Variants in CASK observed in about 807,000 individuals in gnomAD.
The protein encoded by CASK is peripheral plasma membrane protein CASK.
CASK carries 4 observed loss-of-function variants against 82.9 expected under a neutral mutation model. The observed-to-expected ratio is 0.05, with a 90% CI of 0.02 to 0.11. The LOEUF (loss-of-function observed/expected upper bound fraction) is 0.11. CASK is among the 10% of genes least tolerant of loss of function. The pLI is 1.00. For missense variants in CASK, 358 were observed against 720.9 expected, an observed-to-expected ratio of 0.50 and a Z score of 5.76; for synonymous variants, 259 against 253.5, an observed-to-expected ratio of 1.02 and a Z score of -0.20.
chrX:41,922,827 G>T (rs1341223923), intron 1 of CASK, 103 bp downstream of exon 1: 1 of 679,013 alleles, frequency 1.5e-6, no homozygotes, highest in Non-Finnish European at 2.4e-6. Context: ...GGGAAGAGGG[G>T]AAGGAGGGAG....
intron 11 of CASK, among the ~76,000 whole-genome samples, chrX:41,618,337 T>C (rs1301175145): frequency 1.8e-5 from 2 of 112,070 alleles, no homozygotes; most frequent in Non-Finnish European, 3.8e-5. Context: ...TCTTGCTCTG[T>C]TGCCTAGGCT....
chrX:41,723,960 G>A (rs776985765), intron 5 of CASK, among the ~76,000 whole-genome samples: 4 of 111,829 alleles, frequency 3.6e-5, no homozygotes, highest in East Asian at 5.6e-4. Context: ...TCAGTCAATC[G>A]TGCAAACAAA....
rs2147279583 is a variant in CASK, at chrX:41,610,029, AG to A, written c.1034-5del. 2.5e-6 allele frequency: 3 copies of A among 1,209,483 alleles called. No homozygotes were observed. Among genetic ancestry groups the A allele is most frequent in the African/African-American group, 3.5e-5 (2 of 57,707 alleles). ...TCCAGCACCTGTGAGACTGCTCCTA[AG>A]GGGGACAAACAGAAAAGAAACAGCC... On this transcript the variant is annotated splice_polypyrimidine_tract_variant and splice_region_variant and intron_variant, in intron 11 of 26. Coordinates refer to ENST00000378163, the MANE Select transcript of CASK (RefSeq NM_001367721.1).
intron 5 of CASK, among the ~76,000 whole-genome samples, chrX:41,699,840 T>C (rs2067759320): frequency 9.0e-6 from 1 of 111,556 alleles, no homozygotes; most frequent in South Asian, 3.7e-4. Flanking sequence ...TCTAAATTTT[T>C]AGAAAAAATA....
chrX:41,686,317 T>C (rs2067439344), intron 5 of CASK, among the ~76,000 whole-genome samples: 1 of 111,102 alleles, frequency 9.0e-6, no homozygotes, highest in Non-Finnish European at 1.9e-5. Flanking sequence ...CTCGAACTCC[T>C]GACCCTCAGG....
At position 41,660,338 on chromosome X, in the gene CASK, A is replaced by G. The variant is rs2067013363; in HGVS notation, c.831+101T>C. Reference sequence around the variant, plus strand: ...AAAAAACTAATGAAAACTGCTCAGAAAAAAGAAAAGGTAAAAAGGACCATC... The same window carrying G: ...AAAAAACTAATGAAAACTGCTCAGAGAAAAGAAAAGGTAAAAAGGACCATC... On this transcript the variant is annotated intron_variant, in intron 8 of 26. Coordinates refer to ENST00000378163, the MANE Select transcript of CASK (RefSeq NM_001367721.1). The G allele has an allele frequency of 4.2e-6, 3 of 722,596 alleles. No homozygotes were observed. In the South Asian group the frequency reaches 6.9e-5, roughly 17 times the overall value. The allele number at this position is 722,596 out of a possible 1,213,427, so 59.6% of individuals were successfully genotyped here.
chrX:41,827,364 C>G (rs2070689579), intron 2 of CASK, among the ~76,000 whole-genome samples: 1 of 111,617 alleles, frequency 9.0e-6, no homozygotes, highest in East Asian at 2.8e-4. Flanking sequence ...GGTCTAGAAA[C>G]TGGGAAGTCC....
chrX:41,744,786 T>C (rs2068658791), intron 4 of CASK, among the ~76,000 whole-genome samples: 1 of 111,814 alleles, frequency 8.9e-6, no homozygotes, highest in Non-Finnish European at 1.9e-5. Context: ...TCTCTTCCTT[T>C]TACTGTTCTT....
At position 41,642,096 on chromosome X, in the gene CASK, T is replaced by A. The variant is rs764577224; in HGVS notation, c.832-5435A>T. ...GAACTCACCCTTTTTTAAGGTTGCA[T>A]AGTATTCCATGGTGTATATGCGCCA... On this transcript the variant is annotated intron_variant, in intron 8 of 26. Transcript: ENST00000378163. 9.9e-5 allele frequency among the ~76,000 whole-genome samples: 11 copies of A among 111,194 alleles called. No individual in the cohort carries two copies. In the East Asian group the frequency reaches 2.5e-3, roughly 25 times the overall value.
chrX:41,737,948 T>C (rs1401113225), intron 5 of CASK, among the ~76,000 whole-genome samples: 2 of 113,084 alleles, frequency 1.8e-5, no homozygotes, highest in Non-Finnish European at 3.7e-5. Flanking sequence ...CCTTTTACCT[T>C]TCCACACTTT....
At chrX:41,667,994 T>C (rs1210199687) in intron 6 of CASK, among the ~76,000 whole-genome samples, 1 of 111,973 alleles carries the variant, frequency 8.9e-6, no homozygotes, top group Non-Finnish European at 1.9e-5. Context: ...ATTTCTTTTC[T>C]CTCACTATGC....
chrX:41,826,936 G>A (rs1299971327), intron 2 of CASK, among the ~76,000 whole-genome samples: 1 of 111,586 alleles, frequency 9.0e-6, no homozygotes, highest in Admixed American at 9.5e-5. Flanking sequence ...CTATTTAATG[G>A]AACCCATCGT....
At chrX:41,611,730 G>A (rs1334516044) in intron 11 of CASK, among the ~76,000 whole-genome samples, 6 of 97,579 alleles carry the variant, frequency 6.1e-5, no homozygotes, top group Non-Finnish European at 4.1e-5. Flanking sequence ...CTCTTTCCAC[G>A]GTCTCCCTCT....
chrX:41,640,802 A>G (rs1047378871), intron 8 of CASK, among the ~76,000 whole-genome samples: 6 of 111,221 alleles, frequency 5.4e-5, no homozygotes, highest in Non-Finnish European at 9.4e-5. Context: ...TGTGAACTCT[A>G]TTTTTAGCAA....
chrX:41,676,634 T>C lies in CASK; in HGVS notation c.430-5104A>G, dbSNP rs1602447397. On this transcript the variant is annotated intron_variant, in intron 5 of 26. Coordinates refer to ENST00000378163, the MANE Select transcript of CASK (RefSeq NM_001367721.1). ...GTTTTATGTTGAGCGAGATGGGAAATCACCATAAGGTTTTGAACAGGGGAG... is the reference window on the plus strand; with the variant it reads ...GTTTTATGTTGAGCGAGATGGGAAACCACCATAAGGTTTTGAACAGGGGAG... The C allele has an allele frequency of 1.5e-5, 7 of 481,019 alleles. No individual in the cohort carries two copies. In the East Asian group the frequency reaches 2.6e-4, roughly 18 times the overall value. 39.6% of individuals were successfully genotyped at this position (481,019 alleles called of 1,213,427 possible).
At chrX:41,580,527 T>C (rs953806461) in intron 14 of CASK, among the ~76,000 whole-genome samples, 7 of 111,770 alleles carry the variant, frequency 6.3e-5, no homozygotes, top group African/African-American at 2.0e-4. Flanking sequence ...CAAGGAAGGA[T>C]TAAGCCCACA....
chrX:41,889,805 C>G (rs866847156), intron 1 of CASK, among the ~76,000 whole-genome samples: 2 of 111,026 alleles, frequency 1.8e-5, no homozygotes, highest in South Asian at 3.8e-4. Flanking sequence ...ACTAATTGAC[C>G]TAATGCTATG....
chrX:41,893,109 T>C (rs754060683), intron 1 of CASK, among the ~76,000 whole-genome samples: 1 of 112,250 alleles, frequency 8.9e-6, no homozygotes, highest in African/African-American at 3.2e-5. Context: ...TAAAAACACA[T>C]TGAAAACCTA....
intron 1 of CASK, among the ~76,000 whole-genome samples, chrX:41,863,136 AATTT>A (rs2071525244): frequency 8.9e-6 from 1 of 112,194 alleles, no homozygotes; most frequent in African/African-American, 3.2e-5. Flanking sequence ...TATTTATCAT[AATTT>A]ATTTGTCATC....
Sources: allele counts gnomAD v4.1 joint callset (sites outside exome capture counted in the v4.1 genomes callset), GRCh38; gene constraint gnomAD v4.1.1; transcripts MANE v1.5; gene names NCBI Gene and HGNC (gene_info 2026-07-23, HGNC 2026-07-21).